CLK2: variants seen among roughly 807,000 people sequenced by gnomAD.
The protein encoded by CLK2 is dual specificity protein kinase CLK2.
CLK2 carries 12 observed loss-of-function variants against 73.5 expected under a neutral mutation model. The observed-to-expected ratio is 0.16, with a 90% CI of 0.10 to 0.26. The LOEUF (loss-of-function observed/expected upper bound fraction) is 0.26. CLK2 is among the 10% of genes least tolerant of loss of function. The pLI is 1.00. For synonymous variants in CLK2, 232 were observed against 237.9 expected, an observed-to-expected ratio of 0.98 and a Z score of 0.23; for missense variants, 509 against 688.4, an observed-to-expected ratio of 0.74 and a Z score of 2.92.
chr1:155,271,754 C>A (rs1673519889), intron 1 of CLK2, among the ~76,000 whole-genome samples: 1 of 152,190 alleles, frequency 6.6e-6, no homozygotes, highest in African/African-American at 2.4e-5. Context: ...ATTAAGAGTA[C>A]ATCTCATCTC....
chr1:155,266,185 T>C (rs184305943), intron 7 of CLK2, among the ~76,000 whole-genome samples: 2 of 152,356 alleles, frequency 1.3e-5, no homozygotes, highest in African/African-American at 4.8e-5. Context: ...AAAGTTTGCT[T>C]TGAGTTGTAG....
chr1:155,268,210 A>C lies in CLK2; in HGVS notation c.554+83T>G. On this transcript the variant is annotated intron_variant, in intron 5 of 12. Transcript: ENST00000368361. This position sits in a 1 kb window ranked among gnomAD's most constrained non-coding sequence, Gnocchi z 5.6. ...GGCTGTAGGGGGACTAAGAAATTCTACCTCAGGTTAATTAGCAAAAAAGCC... is the reference window on the plus strand; with the variant it reads ...GGCTGTAGGGGGACTAAGAAATTCTCCCTCAGGTTAATTAGCAAAAAAGCC... 1 of 1,554,978 alleles carries C rather than the reference A, an allele frequency of 6.4e-7. No individual in the cohort carries two copies. The highest frequency in any genetic ancestry group is 1.1e-5 in the South Asian group (1 of 89,924).
chr1:155,268,843 GGCCGGAGGGAGGCGGGGTGGGT>G lies in CLK2; in HGVS notation c.400-70_400-49del. 7.6e-7 allele frequency: 1 copy of G among 1,311,414 alleles called. No homozygotes were observed. Among genetic ancestry groups the G allele is most frequent in the Non-Finnish European group, 1.1e-6 (1 of 916,588 alleles). The allele number at this position is 1,311,414 out of a possible 1,614,324, so 81.2% of individuals were successfully genotyped here. A position where few individuals can be genotyped will look rare whatever the true frequency, so the allele number is the denominator to read the frequency against. On this transcript the variant is annotated intron_variant, in intron 3 of 12. Coordinates refer to ENST00000368361, the MANE Select transcript of CLK2 (RefSeq NM_001294338.2). The surrounding 1 kb of genome is among the most constrained non-coding windows in gnomAD (Gnocchi z 5.6). ...GGAGCAAGCCAGGTGTCGGAGCGGG[GGCCGGAGGGAGGCGGGGTGGGT>G]GGTAGAGGGGTCACCGGTCACAGGC...
chr1:155,266,719 C>T lies in CLK2; in HGVS notation c.838+10G>A, dbSNP rs770691032. The T allele has an allele frequency of 1.2e-6, 2 of 1,609,240 alleles. No individual in the cohort carries two copies. Among genetic ancestry groups the T allele is most frequent in the South Asian group, 1.1e-5 (1 of 90,082 alleles). ...CTGCCCCAGAGTCCACTTCGGCCCA[C>T]CCCACTCACACTTGACAGCCTGGCA... On this transcript the variant is annotated intron_variant, in intron 7 of 12. Coordinates refer to ENST00000368361, the MANE Select transcript of CLK2 (RefSeq NM_001294338.2).
chr1:155,263,452 C>G (rs1476383572), intron 12 of CLK2, 52 bp from the exon 13 acceptor site: 1 of 1,602,664 alleles, frequency 6.2e-7, no homozygotes, highest in African/African-American at 1.3e-5. Context: ...ACAAACCCTG[C>G]CTTCTTCAAG....
Position 155,268,054 on chromosome 1 carries a change from G to T in CLK2, c.627C>A (p.Ile209=), listed in dbSNP as rs1429732281. 1 of 1,613,924 alleles carries T rather than the reference G, an allele frequency of 6.2e-7. No individual in the cohort carries two copies. Among genetic ancestry groups the T allele is most frequent in the Non-Finnish European group, 8.5e-7 (1 of 1,179,964 alleles). The change falls in exon 6 of 13, where the codon ATC becomes ATA. Residue 209 remains isoleucine (I), a synonymous_variant. Transcript: ENST00000368361. This position sits in a 1 kb window ranked among gnomAD's most constrained non-coding sequence, Gnocchi z 5.6. Reference sequence around the variant, plus strand: ...TCTCATTGATTTTCTCTAGCACGTTGATCTCAAGTCGAGCTGCTTCCTTGT... The same window carrying T: ...TCTCATTGATTTTCTCTAGCACGTTTATCTCAAGTCGAGCTGCTTCCTTGT... ...EKYKEAARLE[I]NVLEKINEKD...
rs866145868 is a variant in CLK2 at position 155,269,696 on chromosome 1, G to A, written c.191C>T (p.Ser64Phe). Reference sequence around the variant, plus strand: ...TCGCCGGTCATACACCCTCCGGTCGGACGAACGATCATCATAACTGCTGTT... The same window carrying A: ...TCGCCGGTCATACACCCTCCGGTCGAACGAACGATCATCATAACTGCTGTT... ...RSRSSYDDRS[S>F]DRRVYDRRYC... Residue 64 changes from serine to phenylalanine, a missense_variant, in exon 3 of 13, where the codon TCC becomes TTC. Physicochemically the swap from Ser to Phe is radical, Grantham distance 155. Around this residue, in one of 6 missense-constraint regions of CLK2, gnomAD observed 222 missense variants for 221.7 expected, o/e 1.00. Coordinates refer to ENST00000368361, the MANE Select transcript of CLK2 (RefSeq NM_001294338.2). 1 of 1,614,188 alleles carries A rather than the reference G, an allele frequency of 6.2e-7. No individual in the cohort carries two copies. The highest frequency in any genetic ancestry group is 8.5e-7 in the Non-Finnish European group (1 of 1,180,038).
Position 155,268,547 on chromosome 1 carries a change from G to A in CLK2, c.487+161C>T. 1.3e-6 allele frequency: 1 copy of A among 798,414 alleles called. No homozygotes were observed. The highest frequency in any genetic ancestry group is 1.5e-5 in the South Asian group (1 of 65,140). The allele number at this position is 798,414 out of a possible 1,614,324, so 49.5% of individuals were successfully genotyped here. A position where few individuals can be genotyped will look rare whatever the true frequency, so the allele number is the denominator to read the frequency against. Reference sequence around the variant, plus strand: ...CTTTAACCCAGGGGCCGTGAGAGCTGGGAGTGGACAACAGAGGTCAATTCT... The same window carrying A: ...CTTTAACCCAGGGGCCGTGAGAGCTAGGAGTGGACAACAGAGGTCAATTCT... On this transcript the variant is annotated intron_variant, in intron 4 of 12. Transcript: ENST00000368361. The surrounding 1 kb of genome is among the most constrained non-coding windows in gnomAD (Gnocchi z 5.6).
In CLK2 at chr1:155,263,107, G is replaced by T; in HGVS notation, c.*111C>A. 1 of 1,018,774 alleles carries T rather than the reference G, an allele frequency of 9.8e-7. No individual in the cohort carries two copies. The highest frequency in any genetic ancestry group is 1.4e-6 in the Non-Finnish European group (1 of 713,456). The allele number at this position is 1,018,774 out of a possible 1,614,324, so 63.1% of individuals were successfully genotyped here. A position where few individuals can be genotyped will look rare whatever the true frequency, so the allele number is the denominator to read the frequency against. On this transcript the variant is annotated 3_prime_UTR_variant, in exon 13 of 13. Transcript: ENST00000368361. ...TCACATATTCACAGGTATATAGAGA[G>T]CCAGGAGGAAGGAGTGAACTCTGGC... is the stretch of plus-strand genomic sequence containing the variant.
chr1:155,265,557 ACT>A (rs1180383648), intron 8 of CLK2, among the ~76,000 whole-genome samples: 4 of 149,540 alleles, frequency 2.7e-5, no homozygotes, highest in Non-Finnish European at 5.9e-5. Flanking sequence ...ACAGAGTGAG[ACT>A]CTGTCTCAAA....
chr1:155,264,843 T>C (rs1354216782), intron 8 of CLK2, 69 bp from the exon 9 acceptor site: 1 of 1,581,190 alleles, frequency 6.3e-7, no homozygotes, highest in African/African-American at 1.3e-5. Context: ...TTCTCTACAT[T>C]GCTTCTGAGC....
chr1:155,266,947 C>T, intron 6 of CLK2, 52 bp from the exon 7 acceptor site: 9 of 1,587,180 alleles, frequency 5.7e-6, no homozygotes, highest in South Asian at 1.1e-5. Flanking sequence ...CCCATCTGCC[C>T]ATCAGCCATC....
Position 155,268,041 on chromosome 1 carries a change from T to C in CLK2, c.640A>G (p.Lys214Glu). The C allele has an allele frequency of 1.2e-6, 2 of 1,614,058 alleles. No individual in the cohort carries two copies. Among genetic ancestry groups the C allele is most frequent in the Non-Finnish European group, 1.7e-6 (2 of 1,179,900 alleles). The change falls in exon 6 of 13, where the codon AAA becomes GAA. Residue 214 changes from lysine (K) to glutamate (E), a missense_variant. Physicochemically the swap from Lys to Glu is moderately conservative, Grantham distance 56. Around this residue, in one of 6 missense-constraint regions of CLK2, gnomAD observed 76 missense variants for 126.4 expected, o/e 0.60. Coordinates refer to ENST00000368361, the MANE Select transcript of CLK2 (RefSeq NM_001294338.2). The surrounding 1 kb of genome is among the most constrained non-coding windows in gnomAD (Gnocchi z 5.6). ...TTGTCAGGGTCTTTCTCATTGATTT[T>C]CTCTAGCACGTTGATCTCAAGTCGA... ...AARLEINVLE[K>E]INEKDPDNKN...
In CLK2 at chr1:155,268,664, T is replaced by C. The variant is rs1314531582; in HGVS notation, c.487+44A>G. 2 of 1,555,392 alleles carry C rather than the reference T, an allele frequency of 1.3e-6. No homozygotes were observed. Among genetic ancestry groups the C allele is most frequent in the Non-Finnish European group, 1.8e-6 (2 of 1,126,500 alleles). ...TTGGCTTGGGACGTTAGGATGGCTATGGGACCATTACAGGCTATAGGATTG... is the reference window on the plus strand; with the variant it reads ...TTGGCTTGGGACGTTAGGATGGCTACGGGACCATTACAGGCTATAGGATTG... On this transcript the variant is annotated intron_variant, in intron 4 of 12. Coordinates refer to ENST00000368361, the MANE Select transcript of CLK2 (RefSeq NM_001294338.2). This position sits in a 1 kb window ranked among gnomAD's most constrained non-coding sequence, Gnocchi z 5.6.
chr1:155,269,278 G>GA (rs1673380339), intron 3 of CLK2: 1 of 605,322 alleles, frequency 1.7e-6, no homozygotes, highest in South Asian at 2.0e-5. Flanking sequence ...AGAGCACTGG[G>GA]GGTCACAAAT....
At chr1:155,272,142 G>A (rs1212268818) in intron 1 of CLK2, among the ~76,000 whole-genome samples, 2 of 151,134 alleles carry the variant, frequency 1.3e-5, no homozygotes, top group African/African-American at 2.4e-5. Context: ...TCAGCCTCCC[G>A]AGTAGCTGGG....
chr1:155,263,564 T>C (rs1673087617), intron 12 of CLK2, 164 bp from the exon 13 acceptor site: 2 of 985,294 alleles, frequency 2.0e-6, no homozygotes, highest in South Asian at 9.4e-5. Context: ...ATATTATAGC[T>C]CAACCTACCT....
rs990636114 is a variant in CLK2 at position 155,265,716 on chromosome 1, C to T, written c.933+144G>A. ...TCTTAAGAGATTTCTCCCTTTCAAC[C>T]TATTTAGTTTTACCCAGTTGGAGCC... On this transcript the variant is annotated intron_variant, in intron 8 of 12. Coordinates refer to ENST00000368361, the MANE Select transcript of CLK2 (RefSeq NM_001294338.2). The T allele has an allele frequency of 7.3e-6, 5 of 683,636 alleles. 1 individual carries two copies. Among genetic ancestry groups the T allele is most frequent in the African/African-American group, 1.8e-5 (1 of 56,708 alleles). The allele number at this position is 683,636 out of a possible 1,614,324, so 42.3% of individuals were successfully genotyped here. A position where few individuals can be genotyped will look rare whatever the true frequency, so the allele number is the denominator to read the frequency against.
In CLK2 at chr1:155,266,795, T is replaced by A; in HGVS notation, c.772A>T (p.Asn258Tyr). ...LSTFDFLKDN[N>Y]YLPYPIHQVR... is the part of the protein sequence containing the mutation. ...TGGTGGATGGGGTAGGGCAGGTAGTTGTTGTCTTTGAGGAAATCGAAGGTG... is the reference window on the plus strand; with the variant it reads ...TGGTGGATGGGGTAGGGCAGGTAGTAGTTGTCTTTGAGGAAATCGAAGGTG... Residue 258 changes from asparagine (N) to tyrosine (Y), a missense_variant, in exon 7 of 13, where the codon AAC becomes TAC. Asn to Tyr is a moderately radical substitution (Grantham distance 143). This residue lies in a region of CLK2 where 27 missense variants were observed against 30.5 expected (regional missense o/e 0.89). Coordinates refer to ENST00000368361, the MANE Select transcript of CLK2 (RefSeq NM_001294338.2). 1 of 1,613,462 alleles carries A rather than the reference T, an allele frequency of 6.2e-7. No individual in the cohort carries two copies. The highest frequency in any genetic ancestry group is 8.5e-7 in the Non-Finnish European group (1 of 1,179,780).
Sources: gnomAD v4.1 joint callset for allele counts (sites outside exome capture counted in the v4.1 genomes callset) on GRCh38, gnomAD v4.1.1 for gene constraint, gnomAD v4.1.1 regional missense constraint, Gnocchi (gnomAD v3.1) non-coding constraint, MANE v1.5 for transcripts, NCBI Gene and HGNC (gene_info 2026-07-23, HGNC 2026-07-21) for gene names.